Variants in ZMAT1 observed in about 807,000 individuals in gnomAD.
ZMAT1 encodes the protein zinc finger matrin-type protein 1.
A neutral mutation model predicts 18.5 loss-of-function variants in ZMAT1; 11 were observed. The observed-to-expected ratio is 0.59, with a 90% CI of 0.37 to 0.98. The LOEUF (loss-of-function observed/expected upper bound fraction) is 0.98. ZMAT1 is among the 50% of genes least tolerant of loss of function. The pLI is 0.01. For missense variants in ZMAT1, 525 were observed against 496.2 expected (o/e 1.06, Z -0.55); for synonymous variants, 211 against 176.4 (o/e 1.20, Z -1.55).
chrX:101,931,841 A>G lies in ZMAT1; in HGVS notation c.168T>C (p.Pro56=). 2 of 786,564 alleles carry G rather than the reference A, an allele frequency of 2.5e-6. No individual in the cohort carries two copies. The highest frequency in any genetic ancestry group is 3.0e-6 in the Non-Finnish European group (2 of 663,251). The allele number at this position is 786,564 out of a possible 1,213,427, so 64.8% of individuals were successfully genotyped here. The change falls in exon 1 of 6, where the codon CCT becomes CCC. Residue 56 remains proline, a synonymous_variant. Coordinates refer to ENST00000651725, the MANE Select transcript of ZMAT1 (RefSeq NM_001394560.1). ...IVPASSATSA[P]ACPPAGGCGD... is the part of the protein sequence containing the mutation. Reference sequence around the variant, plus strand: ...CACAGCCACCGGCAGGCGGGCAGGCAGGGGCGGAGGTGGCGGAGGAGGCAG... The same window carrying G: ...CACAGCCACCGGCAGGCGGGCAGGCGGGGGCGGAGGTGGCGGAGGAGGCAG...
At position 101,907,210 on chromosome X, in the gene ZMAT1, G is replaced by C. The variant is rs770384120; in HGVS notation, c.293-2880C>G. Among the ~76,000 whole-genome samples the C allele has an allele frequency of 1.3e-4, 15 of 111,753 alleles. No homozygotes were observed. In the East Asian group the frequency reaches 4.3e-3, roughly 32 times the overall value. On this transcript the variant is annotated intron_variant, in intron 1 of 5. Transcript: ENST00000651725. ...CTACCCCAGCACCAGGTGAGCCCCT[G>C]TGGACCAGGCTTCAGGTTGGCAGGT...
chrX:101,903,753 A>G (rs1378061559), intron 2 of ZMAT1, among the ~76,000 whole-genome samples: 6 of 112,128 alleles, frequency 5.4e-5, no homozygotes, highest in African/African-American at 1.9e-4. Context: ...AGGACATTAA[A>G]CATTCTCTAT....
At chrX:101,894,681 T>C in intron 4 of ZMAT1, 3 of 698,898 alleles carry the variant, frequency 4.3e-6, no homozygotes, top group Non-Finnish European at 5.1e-6. Flanking sequence ...AAAGAGCCCA[T>C]AGAGAAAACA....
chrX:101,886,203 GA>G lies in ZMAT1; in HGVS notation c.776+428del, dbSNP rs751111541. Among the ~76,000 whole-genome samples, 29 of 111,755 alleles carry G rather than the reference GA, an allele frequency of 2.6e-4. 3 individuals are homozygous for G. The highest frequency in any genetic ancestry group is 2.3e-3 in the East Asian group (8 of 3,530). On this transcript the variant is annotated intron_variant, in intron 5 of 5. Transcript: ENST00000651725. ...ACTGACCAAAGTTATACACTTGGTAGAAAAATGGATCTGGTATTCTAATCCA... is the reference window on the plus strand; with the variant it reads ...ACTGACCAAAGTTATACACTTGGTAGAAAATGGATCTGGTATTCTAATCCA...
At chrX:101,931,521 G>A in intron 1 of ZMAT1, 196 bp downstream of exon 1, 1 of 748,645 alleles carries the variant, frequency 1.3e-6, no homozygotes, top group Non-Finnish European at 1.6e-6. Context: ...AGGTAGGGAA[G>A]GCCCTCTCTG....
chrX:101,917,554 T>C (rs1384849627), intron 1 of ZMAT1, among the ~76,000 whole-genome samples: 2 of 112,313 alleles, frequency 1.8e-5, no homozygotes, highest in African/African-American at 6.5e-5. Context: ...CTGGCAAGGA[T>C]GTGGAGAAAA....
In ZMAT1 at chrX:101,896,361, AT is replaced by A. The variant is rs1193642941; in HGVS notation, c.676+1506del. Among the ~76,000 whole-genome samples, 10 of 111,667 alleles carry A rather than the reference AT, an allele frequency of 9.0e-5. No individual in the cohort carries two copies. The Admixed American group carries it at 9.5e-4, about 11-fold the overall frequency. ...AATTCCAGTATTTCATAGCTCTTTTATTTATCCTCCTCTCTGAGCCCAAGTT... is the reference window on the plus strand; with the variant it reads ...AATTCCAGTATTTCATAGCTCTTTTATTATCCTCCTCTCTGAGCCCAAGTT... On this transcript the variant is annotated intron_variant, in intron 4 of 5. Transcript: ENST00000651725.
At chrX:101,910,198 G>A (rs1928868291) in intron 1 of ZMAT1, among the ~76,000 whole-genome samples, 1 of 112,644 alleles carries the variant, frequency 8.9e-6, no homozygotes, top group African/African-American at 3.2e-5. Flanking sequence ...ATGAGTCTGC[G>A]AGAACCACAG....
chrX:101,927,569 T>C (rs1250608421), intron 1 of ZMAT1, among the ~76,000 whole-genome samples: 5 of 112,501 alleles, frequency 4.4e-5, no homozygotes, highest in Non-Finnish European at 9.4e-5. Context: ...TAGTTATATG[T>C]TTAACATTTA....
intron 1 of ZMAT1, among the ~76,000 whole-genome samples, chrX:101,925,170 C>A (rs1929981981): frequency 8.9e-6 from 1 of 112,006 alleles, no homozygotes; most frequent in South Asian, 3.7e-4. Flanking sequence ...CATAAACAAT[C>A]CACTTCTGAA....
chrX:101,928,511 C>A (rs1211907490), intron 1 of ZMAT1, among the ~76,000 whole-genome samples: 1 of 112,275 alleles, frequency 8.9e-6, no homozygotes, highest in Non-Finnish European at 1.9e-5. Flanking sequence ...GCATGTGCCA[C>A]CACGCCCGGC....
At chrX:101,897,836 C>T in intron 4 of ZMAT1, 32 bp downstream of exon 4, 1 of 1,177,659 alleles carries the variant, frequency 8.5e-7, no homozygotes, top group Non-Finnish European at 1.1e-6. Flanking sequence ...GTAGATCCTG[C>T]ATTGAAGATC....
At chrX:101,898,351 T>C (rs1258952171) in intron 2 of ZMAT1, 131 bp from the exon 3 acceptor site, 2 of 499,003 alleles carry the variant, frequency 4.0e-6, no homozygotes, top group African/African-American at 4.8e-5. Context: ...ACTCACATGA[T>C]TTCAAATCTC....
chrX:101,896,194 T>G (rs1018370121), intron 4 of ZMAT1, among the ~76,000 whole-genome samples: 7 of 112,186 alleles, frequency 6.2e-5, no homozygotes, highest in Non-Finnish European at 1.3e-4. Flanking sequence ...TTAAAATTAG[T>G]GAGGATAAAA....
chrX:101,927,623 A>G (rs1020588008), intron 1 of ZMAT1, among the ~76,000 whole-genome samples: 1 of 112,194 alleles, frequency 8.9e-6, no homozygotes, highest in African/African-American at 3.2e-5. Flanking sequence ...CATAATCATA[A>G]GCACTTTGTA....
At chrX:101,886,258 T>C (rs752576417) in intron 5 of ZMAT1, among the ~76,000 whole-genome samples, 4 of 111,847 alleles carry the variant, frequency 3.6e-5, no homozygotes, top group South Asian at 7.4e-4. Context: ...ACCTCTGTTC[T>C]TAACCACTAT....
rs758803349 is a variant in ZMAT1 at position 101,916,069 on chromosome X, G to C, written c.293-11739C>G. ...TGGAATACTATGCAGCCACATAAAGGAATGAGATCATGTTCTTTGCAGGGA... is the reference window on the plus strand; with the variant it reads ...TGGAATACTATGCAGCCACATAAAGCAATGAGATCATGTTCTTTGCAGGGA... On this transcript the variant is annotated intron_variant, in intron 1 of 5. Coordinates refer to ENST00000651725, the MANE Select transcript of ZMAT1 (RefSeq NM_001394560.1). Among the ~76,000 whole-genome samples the C allele has an allele frequency of 6.3e-5, 7 of 111,835 alleles. No homozygotes were observed. In the East Asian group the frequency reaches 2.0e-3, roughly 31 times the overall value.
At chrX:101,897,010 T>A (rs1927858334) in intron 4 of ZMAT1, among the ~76,000 whole-genome samples, 1 of 109,414 alleles carries the variant, frequency 9.1e-6, no homozygotes. Flanking sequence ...GTCAGTAACT[T>A]TTTTTTTGCC....
rs1442509502 is a variant in ZMAT1, at chrX:101,882,846, T to G, written c.*664A>C. 1.8e-5 allele frequency: 2 copies of G among 111,088 alleles called. No homozygotes were observed. The highest frequency in any genetic ancestry group is 5.7e-4 in the East Asian group (2 of 3,539). 9.2% of individuals were successfully genotyped at this position (111,088 alleles called of 1,213,427 possible). ...AAAGTAGCCATCCACCTAGAAAAATTACAATAACATGAATTTTATAAAACC... is the reference window on the plus strand; with the variant it reads ...AAAGTAGCCATCCACCTAGAAAAATGACAATAACATGAATTTTATAAAACC... On this transcript the variant is annotated 3_prime_UTR_variant, in exon 6 of 6. Coordinates refer to ENST00000651725, the MANE Select transcript of ZMAT1 (RefSeq NM_001394560.1).
Sources: gnomAD v4.1 joint callset for allele counts (sites outside exome capture counted in the v4.1 genomes callset) on GRCh38, gnomAD v4.1.1 for gene constraint, MANE v1.5 for transcripts, NCBI Gene and HGNC (gene_info 2026-07-23, HGNC 2026-07-21) for gene names.